PRKN: variants seen among roughly 807,000 people sequenced by gnomAD.
PRKN encodes the protein E3 ubiquitin-protein ligase parkin.
A neutral mutation model predicts 59.5 loss-of-function variants in PRKN; 56 were observed. The observed-to-expected ratio is 0.94, with a 90% confidence interval of 0.76 to 1.18. PRKN has a LOEUF of 1.18. Among genes scored for constraint, PRKN ranks in the 50% most tolerant of loss-of-function variants. The probability of loss-of-function intolerance (pLI) is 0.00; values close to 1 mark genes in which losing one functional copy is unlikely to be tolerated. For missense variants in PRKN, 657 were observed against 596.4 expected (o/e 1.10, Z -1.06); for synonymous variants, 250 against 222.1 (o/e 1.13, Z -1.12).
At chr6:162,304,212 C>G (rs1222571122) in intron 2 of PRKN, among the ~76,000 whole-genome samples, 4 of 150,572 alleles carry the variant, frequency 2.7e-5, no homozygotes, top group African/African-American at 9.8e-5. Context: ...TTGCCGCAAT[C>G]CCCTATTATT....
At chr6:161,944,399 C>T (rs1171513371) in intron 6 of PRKN, among the ~76,000 whole-genome samples, 1 of 152,164 alleles carries the variant, frequency 6.6e-6, no homozygotes, top group Non-Finnish European at 1.5e-5. Flanking sequence ...CGGCACAGAC[C>T]CCATGCTGAA....
intron 5 of PRKN, among the ~76,000 whole-genome samples, chr6:161,975,439 T>G (rs1244459164): frequency 1.3e-5 from 2 of 152,218 alleles, no homozygotes; most frequent in African/African-American, 4.8e-5. Context: ...ATTTAATCAA[T>G]GTTATTTATC....
chr6:162,609,745 T>C (rs1782068280), intron 1 of PRKN, among the ~76,000 whole-genome samples: 1 of 152,204 alleles, frequency 6.6e-6, no homozygotes, highest in African/African-American at 2.4e-5. Context: ...ATAAAACTAA[T>C]GCTCTACAAT....
chr6:162,442,611 G>A (rs1035415891), intron 2 of PRKN, among the ~76,000 whole-genome samples: 4 of 152,154 alleles, frequency 2.6e-5, no homozygotes, highest in Non-Finnish European at 5.9e-5. Context: ...GCTAGGAGCA[G>A]TGGGCTGCCA....
At chr6:162,043,303 C>A (rs2849563) in intron 5 of PRKN, among the ~76,000 whole-genome samples, 1 of 152,204 alleles carries the variant, frequency 6.6e-6, no homozygotes, top group Non-Finnish European at 1.5e-5. Flanking sequence ...AGGAAAAAAT[C>A]ACAATGCTGG....
intron 7 of PRKN, among the ~76,000 whole-genome samples, chr6:161,679,626 T>C (rs1482556012): frequency 8.0e-6 from 1 of 124,728 alleles, no homozygotes; most frequent in Non-Finnish European, 1.6e-5. Context: ...TACTGGAAAA[T>C]GGGGAAGCAA....
At chr6:162,349,831 A>C (rs1784552307) in intron 2 of PRKN, among the ~76,000 whole-genome samples, 1 of 152,174 alleles carries the variant, frequency 6.6e-6, no homozygotes, top group South Asian at 2.1e-4. Flanking sequence ...TCAACATTGT[A>C]CTGGAGGTTT....
In PRKN at chr6:161,423,174, C is replaced by G. The variant is rs1788182433; in HGVS notation, c.1084-36297G>C. ...TATCAGCATCTTTAATGTATGCCAG[C>G]CTTGCATGGGTTTGGTTGGGACGTC... On this transcript the variant is annotated intron_variant, in intron 9 of 11. Coordinates refer to ENST00000366898, the MANE Select transcript of PRKN (RefSeq NM_004562.3). The surrounding 1 kb of genome is among the most constrained non-coding windows in gnomAD (Gnocchi z 5.9). Among the ~76,000 whole-genome samples, 2 of 152,124 alleles carry G rather than the reference C, an allele frequency of 1.3e-5. No individual in the cohort carries two copies. The highest frequency in any genetic ancestry group is 2.1e-4 in the South Asian group (1 of 4,826).
intron 1 of PRKN, among the ~76,000 whole-genome samples, chr6:162,546,009 C>T (rs528034546): frequency 8.6e-5 from 13 of 150,526 alleles, no homozygotes; most frequent in African/African-American, 3.2e-4. Flanking sequence ...CTATGGCACA[C>T]AAGAAGCAAT....
At chr6:162,540,049 G>A (rs770999128) in intron 1 of PRKN, among the ~76,000 whole-genome samples, 3 of 151,788 alleles carry the variant, frequency 2.0e-5, no homozygotes, top group Non-Finnish European at 2.9e-5. Flanking sequence ...CCGAGTAGCT[G>A]GGATTATAGG....
intron 3 of PRKN, among the ~76,000 whole-genome samples, chr6:162,219,624 A>C (rs1424916270): frequency 2.0e-5 from 3 of 152,070 alleles, no homozygotes; most frequent in Non-Finnish European, 4.4e-5. Flanking sequence ...GAAAAAAAAA[A>C]AAACATACTT....
At chr6:162,387,963 G>A (rs557588301) in intron 2 of PRKN, among the ~76,000 whole-genome samples, 3 of 152,162 alleles carry the variant, frequency 2.0e-5, no homozygotes, top group South Asian at 2.1e-4. Context: ...AACAGTGAAC[G>A]TGACAGACAA....
At chr6:162,668,598 C>T (rs2803092) in intron 1 of PRKN, among the ~76,000 whole-genome samples, 98,007 of 151,924 alleles carry the variant, frequency 0.65, 32,681 homozygotes, top group African/African-American at 0.81. Context: ...TGTATGGGGG[C>T]GCAGCAGAAC....
In PRKN at chr6:162,051,377, C is replaced by T. The variant is rs538177236; in HGVS notation, c.618+2714G>A. On this transcript the variant is annotated intron_variant, in intron 5 of 11. Transcript: ENST00000366898. Reference sequence around the variant, plus strand: ...GTGTGAAGAAGCTTCATTTGTCACCCGGAACTTCACAGGCTAACGGGCCTC... The same window carrying T: ...GTGTGAAGAAGCTTCATTTGTCACCTGGAACTTCACAGGCTAACGGGCCTC... Among the ~76,000 whole-genome samples the T allele has an allele frequency of 2.0e-5, 3 of 152,200 alleles. No homozygotes were observed. In the East Asian group the frequency reaches 5.8e-4, roughly 29 times the overall value.
At chr6:162,591,136 A>T (rs1437384824) in intron 1 of PRKN, among the ~76,000 whole-genome samples, 1 of 152,262 alleles carries the variant, frequency 6.6e-6, no homozygotes, top group South Asian at 2.1e-4. Flanking sequence ...TTAGGAAACC[A>T]TTACAAATGG....
chr6:162,163,210 T>C (rs1782833354), intron 4 of PRKN, among the ~76,000 whole-genome samples: 1 of 149,066 alleles, frequency 6.7e-6, no homozygotes. Flanking sequence ...CTGTATAGAA[T>C]AGGTTATCAA....
In PRKN at chr6:162,422,577, G is replaced by C. The variant is rs184387848; in HGVS notation, c.171+20733C>G. Among the ~76,000 whole-genome samples the C allele has an allele frequency of 2.8e-3, 426 of 152,238 alleles. 2 individuals are homozygous for C. Among genetic ancestry groups the C allele is most frequent in the African/African-American group, 9.8e-3 (408 of 41,538 alleles). Reference sequence around the variant, plus strand: ...GACTTTGGGTCACAGAGTTCTTTACGAGTAAGAACTGGGGATAATTGAGAG... The same window carrying C: ...GACTTTGGGTCACAGAGTTCTTTACCAGTAAGAACTGGGGATAATTGAGAG... On this transcript the variant is annotated intron_variant, in intron 2 of 11. Transcript: ENST00000366898.
intron 1 of PRKN, among the ~76,000 whole-genome samples, chr6:162,558,327 CT>C (rs71278562): frequency 0.038 from 5,011 of 132,670 alleles, 238 homozygotes; most frequent in African/African-American, 0.13. Context: ...TTAATTTTCC[CT>C]TTTTTTTTTT....
At chr6:161,727,759 A>C (rs1279120866) in intron 7 of PRKN, among the ~76,000 whole-genome samples, 1 of 152,184 alleles carries the variant, frequency 6.6e-6, no homozygotes, top group African/African-American at 2.4e-5. Context: ...TCATGATGTC[A>C]ATAAAGGAGG....
Sources: allele counts gnomAD v4.1 joint callset (sites outside exome capture counted in the v4.1 genomes callset), GRCh38; gene constraint gnomAD v4.1.1; non-coding constraint Gnocchi (gnomAD v3.1); transcripts MANE v1.5; gene names NCBI Gene and HGNC (gene_info 2026-07-23, HGNC 2026-07-21).